The following SLC25A21 variants were observed in gnomAD, a reference collection of about 807,000 sequenced individuals.
SLC25A21 encodes mitochondrial 2-oxodicarboxylate carrier.
In SLC25A21, 47 loss-of-function variants were observed where a neutral mutation model predicts 43.8. The observed-to-expected ratio is 1.07, with a 90% CI of 0.85 to 1.37. The LOEUF is 1.37. Ranked by LOEUF, SLC25A21 falls within the 40% of genes most tolerant of loss-of-function variation. SLC25A21 has a pLI of 0.00. For missense variants in SLC25A21, 352 were observed against 350.2 expected (o/e 1.00, Z -0.04); for synonymous variants, 131 against 121.3 (o/e 1.08, Z -0.52).
intron 1 of SLC25A21, among the ~76,000 whole-genome samples, chr14:37,010,278 TGTGA>T (rs1443158555): frequency 6.6e-6 from 1 of 152,240 alleles, no homozygotes; most frequent in African/African-American, 2.4e-5. Context: ...CTTGTATGTG[TGTGA>T]AGAAACTAAT....
intron 2 of SLC25A21, among the ~76,000 whole-genome samples, chr14:36,834,656 C>T (rs557005511): frequency 1.3e-5 from 2 of 152,206 alleles, no homozygotes; most frequent in African/African-American, 4.8e-5. Context: ...GAATAAAGCC[C>T]TGTCTTGTGA....
chr14:36,770,051 T>C (rs1886559587), intron 3 of SLC25A21, among the ~76,000 whole-genome samples: 2 of 152,190 alleles, frequency 1.3e-5, no homozygotes, highest in Admixed American at 6.6e-5. Context: ...GGCTCTAGTC[T>C]AGACCAAGCT....
intron 1 of SLC25A21, among the ~76,000 whole-genome samples, chr14:37,049,246 A>C (rs899586308): frequency 2.6e-5 from 4 of 152,180 alleles, no homozygotes; most frequent in African/African-American, 9.7e-5. Context: ...CAAAAACATA[A>C]AATAAAATGA....
intron 1 of SLC25A21, among the ~76,000 whole-genome samples, chr14:36,890,259 T>G (rs1891039109): frequency 6.6e-6 from 1 of 152,202 alleles, no homozygotes; most frequent in African/African-American, 2.4e-5. Context: ...GCATGTAAAG[T>G]GTCATTTTTG....
At chr14:36,809,521 GA>G (rs1026506183) in intron 3 of SLC25A21, among the ~76,000 whole-genome samples, 5 of 151,980 alleles carry the variant, frequency 3.3e-5, no homozygotes, top group African/African-American at 1.2e-4. Flanking sequence ...TTTTTAAGAA[GA>G]AAAAAATGTT....
chr14:37,161,949 C>T (rs1415727776), intron 1 of SLC25A21, among the ~76,000 whole-genome samples: 10 of 112,102 alleles, frequency 8.9e-5, no homozygotes, highest in Admixed American at 5.6e-4. Context: ...GGCGACAGAG[C>T]GAGACTCCGT....
intron 1 of SLC25A21, among the ~76,000 whole-genome samples, chr14:36,962,997 C>T (rs1594722726): frequency 6.6e-6 from 1 of 152,112 alleles, no homozygotes; most frequent in African/African-American, 2.4e-5. Context: ...GTATGCATAG[C>T]AGTATTTTTA....
At chr14:36,851,396 T>C (rs917495982) in intron 2 of SLC25A21, among the ~76,000 whole-genome samples, 3 of 152,178 alleles carry the variant, frequency 2.0e-5, no homozygotes, top group African/African-American at 4.8e-5. Context: ...TTGATACACA[T>C]GAGTTTCTAT....
At chr14:37,061,111 G>A (rs1411394528) in intron 1 of SLC25A21, among the ~76,000 whole-genome samples, 2 of 152,128 alleles carry the variant, frequency 1.3e-5, no homozygotes, top group Non-Finnish European at 2.9e-5. Context: ...TGGGATTCCA[G>A]GGAGATTCTT....
intron 1 of SLC25A21, among the ~76,000 whole-genome samples, chr14:37,018,751 T>C (rs1960917999): frequency 6.6e-6 from 1 of 151,900 alleles, no homozygotes; most frequent in Non-Finnish European, 1.5e-5. Context: ...TCTAAGTGCG[T>C]GGCTTCCCTT....
At chr14:37,037,774 T>TTGATGTCAAA (rs1226789625) in intron 1 of SLC25A21, among the ~76,000 whole-genome samples, 1 of 152,186 alleles carries the variant, frequency 6.6e-6, no homozygotes, top group Non-Finnish European at 1.5e-5. Flanking sequence ...TCGCAGATCA[T>TTGATGTCAAA]TGATGTCAAA....
chr14:36,975,766 C>A (rs1391754706), intron 1 of SLC25A21, among the ~76,000 whole-genome samples: 1 of 152,024 alleles, frequency 6.6e-6, no homozygotes, highest in Non-Finnish European at 1.5e-5. Flanking sequence ...AATGGTGATC[C>A]CAAGTGACAA....
intron 1 of SLC25A21, among the ~76,000 whole-genome samples, chr14:37,085,215 A>C (rs1962461597): frequency 6.6e-6 from 1 of 152,154 alleles, no homozygotes; most frequent in African/African-American, 2.4e-5. Flanking sequence ...TAACCACTCT[A>C]TTTAAAACAG....
At chr14:36,769,176 C>T (rs1886526834) in intron 3 of SLC25A21, among the ~76,000 whole-genome samples, 1 of 152,178 alleles carries the variant, frequency 6.6e-6, no homozygotes, top group Admixed American at 6.5e-5. Flanking sequence ...CTCTATTTGG[C>T]AGTGTGATCA....
At chr14:36,778,658 T>G (rs1156491676) in intron 3 of SLC25A21, among the ~76,000 whole-genome samples, 1 of 152,008 alleles carries the variant, frequency 6.6e-6, no homozygotes, top group African/African-American at 2.4e-5. Flanking sequence ...GCTGAAGGAG[T>G]CAGTTTAAAT....
intron 2 of SLC25A21, among the ~76,000 whole-genome samples, chr14:36,832,672 T>G (rs1889077819): frequency 6.6e-6 from 1 of 152,226 alleles, no homozygotes; most frequent in Non-Finnish European, 1.5e-5. Context: ...GAAGACATTC[T>G]TGGGTACTCA....
chr14:36,967,507 T>C (rs1959644507), intron 1 of SLC25A21, among the ~76,000 whole-genome samples: 2 of 152,196 alleles, frequency 1.3e-5, no homozygotes, highest in Non-Finnish European at 2.9e-5. Context: ...CACCTGTTAA[T>C]TATGAAAAAC....
intron 3 of SLC25A21, among the ~76,000 whole-genome samples, chr14:36,770,385 G>A (rs1409152214): frequency 1.3e-5 from 2 of 152,112 alleles, no homozygotes; most frequent in African/African-American, 2.4e-5. Flanking sequence ...GAGGGAAGGA[G>A]GGAGAGACAA....
intron 1 of SLC25A21, among the ~76,000 whole-genome samples, chr14:36,916,411 A>G (rs1418740878): frequency 1.3e-5 from 2 of 152,194 alleles, no homozygotes; most frequent in East Asian, 3.9e-4. Flanking sequence ...TCATGCATAT[A>G]TAGTTCAAAG....
Sources: gnomAD v4.1 joint callset for allele counts (sites outside exome capture counted in the v4.1 genomes callset) on GRCh38, gnomAD v4.1.1 for gene constraint, MANE v1.5 for transcripts, NCBI Gene and HGNC (gene_info 2026-07-23, HGNC 2026-07-21) for gene names.